Variants in ATXN1 observed in about 807,000 individuals in gnomAD.
The protein encoded by ATXN1 is ataxin-1.
Under a neutral mutation model 56.4 loss-of-function variants are expected in ATXN1, and 8 were observed. The ratio of observed to expected loss-of-function variants is 0.14; its 90% CI spans 0.08 to 0.26. ATXN1 has a LOEUF of 0.26. Ranked by LOEUF, ATXN1 falls within the 10% of genes least tolerant of loss-of-function variation. The pLI is 1.00. For synonymous variants in ATXN1, 514 were observed against 494.6 expected (o/e 1.04, Z -0.52); for missense variants, 987 against 1,106.5 (o/e 0.89, Z 1.53).
At chr6:16,340,478 C>T (rs1761221131) in intron 6 of ATXN1, among the ~76,000 whole-genome samples, 1 of 152,208 alleles carries the variant, frequency 6.6e-6, no homozygotes, top group African/African-American at 2.4e-5. Flanking sequence ...TGTCTGGACC[C>T]CTCTAGACCT....
chr6:16,472,465 T>C (rs1760239415), intron 6 of ATXN1, among the ~76,000 whole-genome samples: 1 of 152,194 alleles, frequency 6.6e-6, no homozygotes, highest in Non-Finnish European at 1.5e-5. Context: ...TAGAATGCAA[T>C]GAGTCAGTGT....
intron 1 of ATXN1, among the ~76,000 whole-genome samples, chr6:16,757,309 T>A (rs1454131944): frequency 2.6e-5 from 4 of 152,248 alleles, no homozygotes; most frequent in South Asian, 2.1e-4. Context: ...TACATTTTTT[T>A]ATACTTATTT....
intron 3 of ATXN1, among the ~76,000 whole-genome samples, chr6:16,638,344 G>A (rs1763637101): frequency 6.6e-6 from 1 of 151,472 alleles, no homozygotes; most frequent in Non-Finnish European, 1.5e-5. Flanking sequence ...TACTCAGAAG[G>A]CTCAGGTGGG....
chr6:16,488,952 G>C (rs1760603921), intron 5 of ATXN1, among the ~76,000 whole-genome samples: 1 of 152,046 alleles, frequency 6.6e-6, no homozygotes, highest in Non-Finnish European at 1.5e-5. Flanking sequence ...CATCGGACCT[G>C]GGAAATTACG....
intron 2 of ATXN1, among the ~76,000 whole-genome samples, chr6:16,718,341 A>C (rs980538617): frequency 2.6e-5 from 4 of 152,278 alleles, no homozygotes; most frequent in Non-Finnish European, 4.4e-5. Context: ...AAATCTTGCC[A>C]GGATATGCAA....
intron 5 of ATXN1, among the ~76,000 whole-genome samples, chr6:16,503,254 G>A (rs988692055): frequency 6.6e-6 from 1 of 152,196 alleles, no homozygotes; most frequent in African/African-American, 2.4e-5. Flanking sequence ...GAGGTTGGGA[G>A]ACTGAGAAAT....
At chr6:16,436,621 A>G (rs1356854833) in intron 6 of ATXN1, among the ~76,000 whole-genome samples, 1 of 151,920 alleles carries the variant, frequency 6.6e-6, no homozygotes, top group East Asian at 1.9e-4. Context: ...AGAAGGTACC[A>G]AGGTCCTGGG....
chr6:16,604,080 A>G (rs1224130316), intron 3 of ATXN1, among the ~76,000 whole-genome samples: 3 of 152,154 alleles, frequency 2.0e-5, no homozygotes, highest in Non-Finnish European at 4.4e-5. Context: ...TTGTCCTCTC[A>G]TGGATAAGGC....
At chr6:16,452,695 T>C (rs1759777403) in intron 6 of ATXN1, among the ~76,000 whole-genome samples, 1 of 152,234 alleles carries the variant, frequency 6.6e-6, no homozygotes, top group Admixed American at 6.5e-5. Flanking sequence ...AGTATCGACA[T>C]AAACCTGCCT....
chr6:16,319,105 T>A (rs1222663556), intron 7 of ATXN1, among the ~76,000 whole-genome samples: 1 of 151,904 alleles, frequency 6.6e-6, no homozygotes, highest in Non-Finnish European at 1.5e-5. Flanking sequence ...GTGGTCCCTG[T>A]TCCTAGGGAG....
At chr6:16,731,469 T>TTTC (rs1759983128) in intron 2 of ATXN1, among the ~76,000 whole-genome samples, 1 of 102,672 alleles carries the variant, frequency 9.7e-6, no homozygotes, top group Non-Finnish European at 1.8e-5. Flanking sequence ...TTTTTTTTTT[T>TTTC]TTTTTTTTTT....
chr6:16,465,217 C>G (rs920145219), intron 6 of ATXN1, among the ~76,000 whole-genome samples: 1 of 152,162 alleles, frequency 6.6e-6, no homozygotes, highest in Non-Finnish European at 1.5e-5. Context: ...AATCCCAGCA[C>G]TTTGGGAGGC....
chr6:16,581,226 C>T (rs9477176), intron 4 of ATXN1, among the ~76,000 whole-genome samples: 79,313 of 127,430 alleles, frequency 0.62, 24,128 homozygotes, highest in South Asian at 0.74. Flanking sequence ...TGTGTGTGTG[C>T]GCGCGTGTGT....
rs35291830 is a variant in ATXN1 at position 16,308,322 on chromosome 6, T to TCACACACACACACACACA, written c.1918-1481_1918-1464dup. 5.3e-4 allele frequency among the ~76,000 whole-genome samples: 70 copies of TCACACACACACACACACA among 132,726 alleles called. No individual in the cohort carries two copies. In the East Asian group the frequency reaches 9.0e-3, roughly 17 times the overall value. 87.1% of individuals were successfully genotyped at this position (132,726 alleles called of 152,430 possible). A position where few individuals can be genotyped will look rare whatever the true frequency, so the allele number is the denominator to read the frequency against. On this transcript the variant is annotated intron_variant, in intron 7 of 7. Transcript: ENST00000436367. ...GCCTGGGCGACAGAGTGAAACTCCGTCACACACACACACACACACACACAC... is the reference window on the plus strand; with the variant it reads ...GCCTGGGCGACAGAGTGAAACTCCGTCACACACACACACACACACACACACACACACACACACACACAC...
intron 4 of ATXN1, among the ~76,000 whole-genome samples, chr6:16,542,291 C>A (rs1396826239): frequency 6.6e-6 from 1 of 152,228 alleles, no homozygotes; most frequent in Non-Finnish European, 1.5e-5. Flanking sequence ...GATTTCATCA[C>A]CGCATCCTAT....
chr6:16,723,792 T>TAA (rs57611705), intron 2 of ATXN1, among the ~76,000 whole-genome samples: 1 of 151,850 alleles, frequency 6.6e-6, no homozygotes, highest in South Asian at 2.1e-4. Context: ...CAAAAGCCAT[T>TAA]AAAAAAATAG....
intron 4 of ATXN1, among the ~76,000 whole-genome samples, chr6:16,532,855 T>C (rs769041089): frequency 6.6e-5 from 10 of 152,200 alleles, no homozygotes; most frequent in Non-Finnish European, 1.3e-4. Context: ...TAAAAAATAC[T>C]ACATGATTCA....
chr6:16,484,138 A>C (rs994054942), intron 6 of ATXN1, among the ~76,000 whole-genome samples: 3 of 152,188 alleles, frequency 2.0e-5, no homozygotes, highest in Non-Finnish European at 4.4e-5. Context: ...TTGCTTAATA[A>C]AAAGGTAGTA....
intron 6 of ATXN1, among the ~76,000 whole-genome samples, chr6:16,343,999 CG>C (rs1293347502): frequency 6.6e-6 from 1 of 152,190 alleles, no homozygotes; most frequent in African/African-American, 2.4e-5. Flanking sequence ...TTCTTATACT[CG>C]AGCGTGCGCA....
Sources: gnomAD v4.1 joint callset for allele counts (sites outside exome capture counted in the v4.1 genomes callset) on GRCh38, gnomAD v4.1.1 for gene constraint, MANE v1.5 for transcripts, NCBI Gene and HGNC (gene_info 2026-07-23, HGNC 2026-07-21) for gene names.